WDR7: variants seen among roughly 807,000 people sequenced by gnomAD.
WDR7 encodes WD repeat domain 7, also known as WD repeat-containing protein 7.
Under a neutral mutation model 169.4 loss-of-function variants are expected in WDR7, and 46 were observed. The ratio of observed to expected loss-of-function variants is 0.27; its 90% CI spans 0.21 to 0.35. WDR7 has a LOEUF of 0.35. Ranked by LOEUF, WDR7 falls within the 10% of genes least tolerant of loss-of-function variation. WDR7 has a pLI of 1.00. For synonymous variants in WDR7, 612 were observed against 666.8 expected (o/e 0.92, Z 1.27); for missense variants, 1,534 against 1,859.3 (o/e 0.83, Z 3.22).
intron 3 of WDR7, among the ~76,000 whole-genome samples, 160 bp downstream of exon 3, chr18:56,679,598 G>A (rs1425695390): frequency 1.5e-4 from 23 of 151,848 alleles, no homozygotes; most frequent in Admixed American, 1.5e-3. Context: ...TCTGATTTTA[G>A]GGATGTAAAT....
chr18:56,823,903 CCT>C (rs1392401190), intron 20 of WDR7, among the ~76,000 whole-genome samples: 1 of 152,140 alleles, frequency 6.6e-6, no homozygotes, highest in African/African-American at 2.4e-5. Flanking sequence ...CAACCATCTC[CCT>C]GTCTTCATTC....
intron 26 of WDR7, among the ~76,000 whole-genome samples, chr18:56,978,768 C>A (rs577826898): frequency 1.3e-5 from 2 of 152,156 alleles, no homozygotes; most frequent in African/African-American, 4.8e-5. Flanking sequence ...CTTCCTCAGA[C>A]GTCCTGAGGT....
intron 12 of WDR7, among the ~76,000 whole-genome samples, chr18:56,704,744 A>C (rs2025910879): frequency 1.3e-5 from 2 of 152,216 alleles, no homozygotes; most frequent in Non-Finnish European, 1.5e-5. Flanking sequence ...TATCATGCCA[A>C]ACATTTTAAA....
the WDR7 span, chr18:57,036,306 AACT>A: frequency 6.6e-6 from 1 of 152,332 alleles, no homozygotes; most frequent in African/African-American, 2.4e-5. Flanking sequence ...GATATTTCCC[AACT>A]GAGACCTGCT....
At chr18:56,701,021 T>C (rs2025822841) in intron 12 of WDR7, among the ~76,000 whole-genome samples, 1 of 152,226 alleles carries the variant, frequency 6.6e-6, no homozygotes, top group Admixed American at 6.5e-5. Flanking sequence ...CTTTAAGATA[T>C]AAAATTTTGA....
chr18:56,686,866 A>G lies in WDR7; in HGVS notation c.609A>G (p.Pro203=), dbSNP rs1293433071. 3 of 1,600,922 alleles carry G rather than the reference A, an allele frequency of 1.9e-6. No homozygotes were observed. The South Asian group carries it at 3.3e-5, about 18-fold the overall frequency. Residue 203 remains proline, a synonymous_variant, in exon 7 of 28, where the codon CCA becomes CCG. Coordinates refer to ENST00000254442, the MANE Select transcript of WDR7 (RefSeq NM_015285.3). ...ATCTTTCTTTTCAGGATACTGAGCC[A>G]ATATTTGAGGAGGAATCCAAACCAA... The part of the protein sequence containing the change: ...SEISDMQDTE[P]IFEEESKPIY...
intron 20 of WDR7, among the ~76,000 whole-genome samples, chr18:56,817,491 A>C (rs979501508): frequency 1.3e-5 from 2 of 152,178 alleles, no homozygotes; most frequent in African/African-American, 4.8e-5. Context: ...TGTATATTTA[A>C]AATACCTATA....
At chr18:56,897,252 T>C (rs2046343207) in intron 21 of WDR7, among the ~76,000 whole-genome samples, 2 of 152,102 alleles carry the variant, frequency 1.3e-5, no homozygotes, top group Non-Finnish European at 2.9e-5. Context: ...GAGTATATTA[T>C]CTTGTGAGTC....
At chr18:56,854,564 A>T (rs1375781849) in intron 20 of WDR7, among the ~76,000 whole-genome samples, 1 of 152,202 alleles carries the variant, frequency 6.6e-6, no homozygotes, top group Non-Finnish European at 1.5e-5. Context: ...ACATCCATGT[A>T]TTAATGTGAT....
rs1243008208 is a variant in WDR7 at position 57,020,848 on chromosome 18, A to G, written c.4268A>G (p.Gln1423Arg). The G allele has an allele frequency of 1.2e-6, 2 of 1,613,998 alleles. No homozygotes were observed. The highest frequency in any genetic ancestry group is 8.5e-7 in the Non-Finnish European group (1 of 1,179,864). The change falls in exon 27 of 28, where the codon CAG becomes CGG. Residue 1423 changes from glutamine to arginine, a missense_variant and splice_region_variant. Coordinates refer to ENST00000254442, the MANE Select transcript of WDR7 (RefSeq NM_015285.3). ...SNTDSHISFWQMNTSLLGSIG... is the reference protein window; with the variant it reads ...SNTDSHISFWRMNTSLLGSIG... ...ACTGACAGCCACATTTCTTTTTGGC[A>G]GGTAAGAGTAGATGCTCCAGGGTCT... is the stretch of plus-strand genomic sequence containing the variant.
intron 20 of WDR7, among the ~76,000 whole-genome samples, chr18:56,876,828 G>A (rs2046029904): frequency 6.6e-6 from 1 of 152,078 alleles, no homozygotes; most frequent in Non-Finnish European, 1.5e-5. Context: ...ATAAAAATAA[G>A]AGCAGAAATT....
intron 26 of WDR7, among the ~76,000 whole-genome samples, chr18:56,985,439 T>G (rs968362802): frequency 1.3e-5 from 2 of 152,202 alleles, no homozygotes; most frequent in African/African-American, 4.8e-5. Flanking sequence ...CTGTGGTATA[T>G]ATTTGTTATA....
intron 26 of WDR7, among the ~76,000 whole-genome samples, chr18:56,966,440 C>G (rs1743008826): frequency 6.6e-6 from 1 of 152,038 alleles, no homozygotes; most frequent in Non-Finnish European, 1.5e-5. Context: ...CCCATTTCCA[C>G]TTGATGAAGA....
At chr18:56,662,744 AAAAC>A (rs2024931955) in intron 1 of WDR7, among the ~76,000 whole-genome samples, 1 of 152,254 alleles carries the variant, frequency 6.6e-6, no homozygotes, top group Non-Finnish European at 1.5e-5. Context: ...GATGTCATAA[AAAAC>A]AATCAGAAAG....
At chr18:56,931,964 G>A (rs921113825) in intron 22 of WDR7, among the ~76,000 whole-genome samples, 1 of 152,170 alleles carries the variant, frequency 6.6e-6, no homozygotes, top group Non-Finnish European at 1.5e-5. Flanking sequence ...AAGCCAAGGT[G>A]TTTAGAGTTT....
intron 21 of WDR7, among the ~76,000 whole-genome samples, chr18:56,894,860 G>T (rs1374995357): frequency 6.6e-6 from 1 of 152,000 alleles, no homozygotes; most frequent in East Asian, 1.9e-4. Context: ...GACACTCATG[G>T]TATGATATAT....
At chr18:56,674,282 C>T (rs981051167) in intron 2 of WDR7, among the ~76,000 whole-genome samples, 1 of 152,180 alleles carries the variant, frequency 6.6e-6, no homozygotes, top group Non-Finnish European at 1.5e-5. Context: ...AGGTTTTCCA[C>T]ATCCTTGTCA....
intron 20 of WDR7, among the ~76,000 whole-genome samples, chr18:56,820,190 G>A (rs1334730169): frequency 6.6e-6 from 1 of 151,406 alleles, no homozygotes; most frequent in Non-Finnish European, 1.5e-5. Context: ...TTTTGGAAGG[G>A]TTTCATTCAC....
chr18:56,714,155 A>C (rs1363072223), intron 12 of WDR7, among the ~76,000 whole-genome samples: 1 of 152,172 alleles, frequency 6.6e-6, no homozygotes, highest in East Asian at 1.9e-4. Flanking sequence ...GGTCATTTCC[A>C]CTTCAGGCCA....
Sources: gnomAD v4.1 joint callset for allele counts (sites outside exome capture counted in the v4.1 genomes callset) on GRCh38, gnomAD v4.1.1 for gene constraint, MANE v1.5 for transcripts, NCBI Gene and HGNC (gene_info 2026-07-23, HGNC 2026-07-21) for gene names.